CAMKMT: variants seen among roughly 807,000 people sequenced by gnomAD.
The protein encoded by CAMKMT is CaM KMT.
A neutral mutation model predicts 48.0 loss-of-function variants in CAMKMT; 53 were observed. That is an observed-to-expected ratio of 1.10 (90% CI 0.89 to 1.39). CAMKMT has a LOEUF of 1.39. Among genes scored for constraint, CAMKMT ranks in the 40% most tolerant of loss-of-function variants. CAMKMT has a pLI of 0.00. For synonymous variants in CAMKMT, 165 were observed against 152.3 expected (o/e 1.08, Z -0.61); for missense variants, 428 against 402.7 (o/e 1.06, Z -0.54).
At chr2:44,698,842 A>G (rs1384665913) in intron 3 of CAMKMT, among the ~76,000 whole-genome samples, 1 of 152,208 alleles carries the variant, frequency 6.6e-6, no homozygotes, top group African/African-American at 2.4e-5. Flanking sequence ...ATTGGAGTCA[A>G]TCCTCTCAAA....
At chr2:44,491,616 TA>T (rs1466665650) in intron 3 of CAMKMT, among the ~76,000 whole-genome samples, 1 of 152,234 alleles carries the variant, frequency 6.6e-6, no homozygotes, top group Non-Finnish European at 1.5e-5. Context: ...TAGAAATATG[TA>T]ACTTACACTG....
intron 3 of CAMKMT, among the ~76,000 whole-genome samples, chr2:44,572,010 C>A (rs1226798134): frequency 6.6e-6 from 1 of 152,084 alleles, no homozygotes; most frequent in South Asian, 2.1e-4. Flanking sequence ...CATATATAAT[C>A]TTTTACGTAT....
At chr2:44,403,276 CT>C (rs1303589238) in intron 3 of CAMKMT, among the ~76,000 whole-genome samples, 1 of 152,144 alleles carries the variant, frequency 6.6e-6, no homozygotes, top group Non-Finnish European at 1.5e-5. Flanking sequence ...ACTCAACCCC[CT>C]GATTCAGTTA....
intron 3 of CAMKMT, among the ~76,000 whole-genome samples, chr2:44,663,323 T>C (rs1283545502): frequency 6.6e-6 from 1 of 152,202 alleles, no homozygotes; most frequent in South Asian, 2.1e-4. Context: ...CCTTCAAAAA[T>C]TGGATAGTAG....
At chr2:44,455,254 T>A (rs537172313) in intron 3 of CAMKMT, among the ~76,000 whole-genome samples, 1 of 152,242 alleles carries the variant, frequency 6.6e-6, no homozygotes, top group East Asian at 1.9e-4. Flanking sequence ...AGATTTTTTT[T>A]AGAAGGAGGC....
At chr2:44,609,390 C>T (rs947181039) in intron 3 of CAMKMT, among the ~76,000 whole-genome samples, 11 of 152,086 alleles carry the variant, frequency 7.2e-5, no homozygotes, top group African/African-American at 2.4e-4. Flanking sequence ...TGAGGTAATC[C>T]GTTTGTTAAT....
intron 3 of CAMKMT, among the ~76,000 whole-genome samples, 198 bp from the exon 4 acceptor site, chr2:44,704,085 A>T (rs1466801167): frequency 6.6e-6 from 1 of 152,194 alleles, no homozygotes; most frequent in Non-Finnish European, 1.5e-5. Context: ...TTTTTCTATT[A>T]TCCTTGGGAA....
At chr2:44,745,921 G>GT (rs1284905579) in intron 8 of CAMKMT, among the ~76,000 whole-genome samples, 3 of 152,206 alleles carry the variant, frequency 2.0e-5, no homozygotes, top group Non-Finnish European at 4.4e-5. Flanking sequence ...GTGTTTCTCT[G>GT]TAAGAGTTAT....
chr2:44,456,447 T>C, intron 3 of CAMKMT: 1 of 1,285,340 alleles, frequency 7.8e-7, no homozygotes, highest in Non-Finnish European at 1.0e-6. Context: ...CCTCTATTTC[T>C]CAGAATTATT....
At chr2:44,424,708 G>C (rs1417276526) in intron 3 of CAMKMT, among the ~76,000 whole-genome samples, 1 of 152,194 alleles carries the variant, frequency 6.6e-6, no homozygotes, top group Non-Finnish European at 1.5e-5. Flanking sequence ...TCATAAGTGG[G>C]AGCTAAGCTA....
intron 8 of CAMKMT, among the ~76,000 whole-genome samples, chr2:44,749,263 C>T (rs1186605160): frequency 6.6e-6 from 1 of 152,176 alleles, no homozygotes; most frequent in African/African-American, 2.4e-5. Context: ...AGGAGAAAAT[C>T]ATCAGATCGG....
intron 3 of CAMKMT, among the ~76,000 whole-genome samples, chr2:44,692,747 C>A (rs1211532312): frequency 1.3e-5 from 2 of 152,066 alleles, no homozygotes; most frequent in Admixed American, 1.3e-4. Context: ...AGTTGAAGAC[C>A]CCCCAGACAT....
chr2:44,526,520 A>G (rs1377515113), intron 3 of CAMKMT, among the ~76,000 whole-genome samples: 1 of 152,216 alleles, frequency 6.6e-6, no homozygotes, highest in Non-Finnish European at 1.5e-5. Context: ...ACCAAGAACC[A>G]GGTGGCCAGC....
intron 3 of CAMKMT, among the ~76,000 whole-genome samples, chr2:44,425,731 C>CTTT (rs748393973): frequency 4.9e-5 from 7 of 143,624 alleles, no homozygotes; most frequent in African/African-American, 1.8e-4. Context: ...AGTATTCTAT[C>CTTT]TTTTTTTTTT....
chr2:44,615,193 T>C (rs1191444732), intron 3 of CAMKMT, among the ~76,000 whole-genome samples: 1 of 151,966 alleles, frequency 6.6e-6, no homozygotes, highest in African/African-American at 2.4e-5. Context: ...CCCAAAGCAT[T>C]GGGATTACAG....
intron 6 of CAMKMT, among the ~76,000 whole-genome samples, chr2:44,710,197 C>G (rs1029750382): frequency 4.6e-5 from 7 of 151,230 alleles, no homozygotes; most frequent in African/African-American, 1.7e-4. Context: ...TGGATTGGTT[C>G]TGAATCTTTA....
At chr2:44,611,222 A>C (rs917121500) in intron 3 of CAMKMT, among the ~76,000 whole-genome samples, 1 of 152,180 alleles carries the variant, frequency 6.6e-6, no homozygotes, top group Admixed American at 6.5e-5. Context: ...ACCCGAGGTC[A>C]GGAGTTGGAG....
chr2:44,493,100 C>T (rs920178981), intron 3 of CAMKMT, among the ~76,000 whole-genome samples: 10 of 151,790 alleles, frequency 6.6e-5, no homozygotes, highest in African/African-American at 2.4e-4. Flanking sequence ...TTTCACCATG[C>T]TGGCCAGGCT....
At chr2:44,478,785 C>T (rs954072819) in intron 3 of CAMKMT, among the ~76,000 whole-genome samples, 2 of 151,452 alleles carry the variant, frequency 1.3e-5, no homozygotes, top group Non-Finnish European at 1.5e-5. Flanking sequence ...ACTGCAAGCT[C>T]CACCTTCTGG....
Sources: allele counts gnomAD v4.1 joint callset (sites outside exome capture counted in the v4.1 genomes callset), GRCh38; gene constraint gnomAD v4.1.1; transcripts MANE v1.5; gene names NCBI Gene and HGNC (gene_info 2026-07-23, HGNC 2026-07-21).